The following FOXO3 variants were observed in gnomAD, a reference collection of about 807,000 sequenced individuals.
FOXO3 encodes the protein forkhead box protein O3.
In FOXO3, 4 loss-of-function variants were observed where a neutral mutation model predicts 41.9. That is an observed-to-expected ratio of 0.10 (90% CI 0.05 to 0.22). FOXO3 has a LOEUF of 0.22. Ranked by LOEUF, FOXO3 falls within the 10% of genes least tolerant of loss-of-function variation. The pLI is 1.00. For synonymous variants in FOXO3, 318 were observed against 389.3 expected, an observed-to-expected ratio of 0.82 and a Z score of 2.16; for missense variants, 534 against 906.8, an observed-to-expected ratio of 0.59 and a Z score of 5.28.
In FOXO3 at chr6:108,664,738, T is replaced by C. The variant is rs1582830453; in HGVS notation, c.1905T>C (p.Ala635=). ...TTATCCGTAGTGAACTCATGGATGC[T>C]GATGGGTTGGATTTTAACTTTGATT... ...ESIIRSELMD[A]DGLDFNFDSL... is the part of the protein sequence containing the mutation. Residue 635 remains alanine (A), a synonymous_variant, in exon 2 of 3, where the codon GCT becomes GCC. Transcript: ENST00000406360. 1 of 1,348,720 alleles carries C rather than the reference T, an allele frequency of 7.4e-7. No homozygotes were observed. The highest frequency in any genetic ancestry group is 1.1e-6 in the Non-Finnish European group (1 of 951,114). 83.5% of individuals were successfully genotyped at this position (1,348,720 alleles called of 1,614,324 possible).
intron 1 of FOXO3, among the ~76,000 whole-genome samples, chr6:108,573,219 G>A (rs1028764264): frequency 1.3e-5 from 2 of 152,082 alleles, no homozygotes; most frequent in African/African-American, 2.4e-5. Context: ...CCCAGGAGGC[G>A]GAGCTTGCAG....
intron 1 of FOXO3, among the ~76,000 whole-genome samples, chr6:108,567,912 G>A (rs1424742780): frequency 2.6e-5 from 4 of 152,286 alleles, no homozygotes; most frequent in South Asian, 4.1e-4. Context: ...GCCGGGCATC[G>A]TGGCGCATGC....
chr6:108,638,106 A>G (rs963629777), intron 1 of FOXO3, among the ~76,000 whole-genome samples: 7 of 152,232 alleles, frequency 4.6e-5, no homozygotes, highest in African/African-American at 1.7e-4. Flanking sequence ...ATGTCATTAT[A>G]TGCATGCTTG....
At chr6:108,637,442 C>T (rs565616691) in intron 1 of FOXO3, among the ~76,000 whole-genome samples, 2 of 152,190 alleles carry the variant, frequency 1.3e-5, no homozygotes, top group African/African-American at 4.8e-5. Context: ...CCCCAGAATA[C>T]TGGGGGGCAA....
chr6:108,631,079 T>C (rs916836669), intron 1 of FOXO3, among the ~76,000 whole-genome samples: 4 of 152,242 alleles, frequency 2.6e-5, no homozygotes, highest in Admixed American at 2.6e-4. Flanking sequence ...TTTCTTAAAC[T>C]AAGTCTGGAA....
intron 1 of FOXO3, among the ~76,000 whole-genome samples, chr6:108,602,555 A>G (rs1320542850): frequency 1.3e-5 from 2 of 152,054 alleles, no homozygotes; most frequent in East Asian, 3.9e-4. Context: ...ATTACAGGAA[A>G]TCACTGAGTT....
intron 1 of FOXO3, among the ~76,000 whole-genome samples, chr6:108,595,935 A>G (rs1776870987): frequency 6.6e-6 from 1 of 152,236 alleles, no homozygotes; most frequent in Non-Finnish European, 1.5e-5. Flanking sequence ...TTTGAGATTC[A>G]GTAAGAAATA....
At chr6:108,608,468 C>T (rs928393801) in intron 1 of FOXO3, among the ~76,000 whole-genome samples, 2 of 152,142 alleles carry the variant, frequency 1.3e-5, no homozygotes, top group African/African-American at 2.4e-5. Context: ...GAGGGATACT[C>T]AGAGAACTTT....
At chr6:108,598,669 A>G (rs1459684670) in intron 1 of FOXO3, among the ~76,000 whole-genome samples, 1 of 152,118 alleles carries the variant, frequency 6.6e-6, no homozygotes, top group African/African-American at 2.4e-5. Flanking sequence ...ATGATGATTG[A>G]CTTACTGGAA....
chr6:108,619,574 C>A (rs192567675), intron 1 of FOXO3, among the ~76,000 whole-genome samples: 11 of 152,324 alleles, frequency 7.2e-5, no homozygotes, highest in Admixed American at 3.3e-4. Flanking sequence ...AGTGTATTCT[C>A]AGATGTAAAG....
chr6:108,590,585 A>G (rs1034539397), intron 1 of FOXO3, among the ~76,000 whole-genome samples: 6 of 152,208 alleles, frequency 3.9e-5, no homozygotes, highest in African/African-American at 1.4e-4. Context: ...GTATATGCAA[A>G]TATTCCAAAA....
chr6:108,656,391 G>A (rs1778689038), intron 1 of FOXO3: 7 of 985,370 alleles, frequency 7.1e-6, no homozygotes, highest in Non-Finnish European at 8.4e-6. Flanking sequence ...AAGGGCTGAA[G>A]CGGACGTAGG....
chr6:108,610,474 C>T (rs1185696147), intron 1 of FOXO3, among the ~76,000 whole-genome samples: 1 of 152,178 alleles, frequency 6.6e-6, no homozygotes, highest in East Asian at 1.9e-4. Flanking sequence ...TGAGCCTCTT[C>T]ACCTTTGTGC....
At chr6:108,560,906 G>C (rs1775761946), upstream of FOXO3, 17 of 1,196,026 alleles carry the variant, frequency 1.4e-5, no homozygotes, top group East Asian at 9.7e-5. Flanking sequence ...ATCGCGGCCT[G>C]GCCGGGGGGC....
chr6:108,611,420 T>C (rs535585613), intron 1 of FOXO3, among the ~76,000 whole-genome samples: 2 of 151,838 alleles, frequency 1.3e-5, no homozygotes, highest in South Asian at 4.2e-4. Context: ...AGTGTATGTT[T>C]AACTTTATAA....
At chr6:108,618,571 T>C (rs1370112896) in intron 1 of FOXO3, among the ~76,000 whole-genome samples, 2 of 152,278 alleles carry the variant, frequency 1.3e-5, no homozygotes. Context: ...AGGAATGATG[T>C]AGCCCGAGTA....
intron 1 of FOXO3, among the ~76,000 whole-genome samples, chr6:108,595,852 A>G (rs1329031938): frequency 1.3e-5 from 2 of 152,200 alleles, no homozygotes; most frequent in Non-Finnish European, 2.9e-5. Flanking sequence ...CTGCCAATTT[A>G]CCTTGTTAGT....
intron 1 of FOXO3, among the ~76,000 whole-genome samples, chr6:108,631,750 T>A (rs1777982582): frequency 6.6e-6 from 1 of 152,212 alleles, no homozygotes; most frequent in African/African-American, 2.4e-5. Flanking sequence ...CTGTAGGTAC[T>A]GTATTTTGTT....
rs550914514 is a variant in FOXO3, at chr6:108,651,621, G to A, written c.622-11834G>A. ...TAAATTTCATGTGAAGGAAGGGATTGTAAACTAAGAACAGAAAAGCAGTTT... is the reference window on the plus strand; with the variant it reads ...TAAATTTCATGTGAAGGAAGGGATTATAAACTAAGAACAGAAAAGCAGTTT... On this transcript the variant is annotated intron_variant, in intron 1 of 2. Transcript: ENST00000406360. Among the ~76,000 whole-genome samples the A allele has an allele frequency of 4.6e-5, 7 of 152,344 alleles. No homozygotes were observed. The South Asian group carries it at 1.5e-3, about 32-fold the overall frequency.
Sources: allele counts gnomAD v4.1 joint callset (sites outside exome capture counted in the v4.1 genomes callset), GRCh38; gene constraint gnomAD v4.1.1; transcripts MANE v1.5; gene names NCBI Gene and HGNC (gene_info 2026-07-23, HGNC 2026-07-21).